Variants in RPP30 observed in about 807,000 individuals in gnomAD.
RPP30 encodes the protein ribonuclease P protein subunit p30.
In RPP30, 36 loss-of-function variants were observed where a neutral mutation model predicts 38.6. That is an observed-to-expected ratio of 0.93 (90% CI 0.71 to 1.23). The LOEUF is 1.23. RPP30 is among the 50% of genes most tolerant of loss of function. The probability of loss-of-function intolerance (pLI) is 0.00; values close to 1 mark genes in which losing one functional copy is unlikely to be tolerated. For missense variants in RPP30, 321 were observed against 321.7 expected (o/e 1.00, Z 0.02); for synonymous variants, 126 against 112.7 (o/e 1.12, Z -0.75).
chr10:90,903,803 A>T (rs1011279939), downstream of RPP30, among the ~76,000 whole-genome samples: 3 of 152,262 alleles, frequency 2.0e-5, no homozygotes, highest in African/African-American at 7.2e-5. Flanking sequence ...AAATAATTTT[A>T]AAAGATGACA....
chr10:90,883,726 C>T (rs980210360), intron 5 of RPP30, among the ~76,000 whole-genome samples: 1 of 152,134 alleles, frequency 6.6e-6, no homozygotes, highest in African/African-American at 2.4e-5. Flanking sequence ...TAGCTTTATT[C>T]TGGGGAGAAT....
chr10:90,899,752 AT>A (rs927728391), intron 10 of RPP30, among the ~76,000 whole-genome samples: 2 of 152,128 alleles, frequency 1.3e-5, no homozygotes, highest in Non-Finnish European at 2.9e-5. Flanking sequence ...ATAATACCTC[AT>A]TGCTTTAACC....
chr10:90,895,826 T>A (rs1847133161), intron 8 of RPP30, 54 bp from the exon 9 acceptor site: 1 of 1,298,678 alleles, frequency 7.7e-7, no homozygotes, highest in South Asian at 1.3e-5. Context: ...CTATAAGTCA[T>A]TGAAATGTTA....
At position 90,895,344 on chromosome 10, in the gene RPP30, G is replaced by A. The variant is rs1016760549; in HGVS notation, c.550-110G>A. 6.8e-5 allele frequency: 43 copies of A among 629,498 alleles called. No individual in the cohort carries two copies. The Admixed American group carries it at 8.6e-4, about 13-fold the overall frequency. The allele number at this position is 629,498 out of a possible 1,614,324, so 39.0% of individuals were successfully genotyped here. On this transcript the variant is annotated intron_variant, in intron 7 of 10. Transcript: ENST00000371703. Reference sequence around the variant, plus strand: ...ATTATTTACCTTATCTTTAAAAGAAGTTGGTATTTGAGCCTTAAATGTTAA... The same window carrying A: ...ATTATTTACCTTATCTTTAAAAGAAATTGGTATTTGAGCCTTAAATGTTAA...
intron 1 of RPP30, among the ~76,000 whole-genome samples, chr10:90,872,328 G>T (rs1385119194): frequency 6.6e-6 from 1 of 152,182 alleles, no homozygotes; most frequent in Non-Finnish European, 1.5e-5. Flanking sequence ...TTTGCATAGG[G>T]GCCTACAGCT....
intron 10 of RPP30, among the ~76,000 whole-genome samples, chr10:90,899,995 A>G (rs756915663): frequency 2.0e-5 from 3 of 152,200 alleles, no homozygotes; most frequent in Non-Finnish European, 4.4e-5. Flanking sequence ...TTCTTTGTTC[A>G]TTGTCACCAG....
Position 90,895,534 on chromosome 10 carries a change from T to C in RPP30, c.579+51T>C, listed in dbSNP as rs1360915019. On this transcript the variant is annotated intron_variant, in intron 8 of 10. Transcript: ENST00000371703. ...TTTCATCTTTCAGGTTATAAAACTT[T>C]TCAGTTTCTAGGGGATAAATTAAAA... 15 of 1,117,140 alleles carry C rather than the reference T, an allele frequency of 1.3e-5. 1 individual carries two copies. In the South Asian group the frequency reaches 1.4e-4, roughly 11 times the overall value. 69.2% of individuals were successfully genotyped at this position (1,117,140 alleles called of 1,614,324 possible).
In RPP30 at chr10:90,900,578, A is replaced by C. The variant is rs1052741920; in HGVS notation, c.706A>C (p.Lys236Gln). 13 of 1,610,720 alleles carry C rather than the reference A, an allele frequency of 8.1e-6. No homozygotes were observed. In the African/African-American group the frequency reaches 1.5e-4, roughly 18 times the overall value. ...CCCTGTTTGTTTTACAGAAACTAGA[A>C]AAACTGCTTTTGGAATTATCTCTAC... ...RAALLHGETRKTAFGIISTVK... is the reference protein window; with the variant it reads ...RAALLHGETRQTAFGIISTVK... The change falls in exon 11 of 11, where the codon AAA becomes CAA. Residue 236 changes from lysine to glutamine, a missense_variant. Lys to Gln is a moderately conservative substitution (Grantham distance 53, BLOSUM62 1). Coordinates refer to ENST00000371703, the MANE Select transcript of RPP30 (RefSeq NM_006413.5).
At chr10:90,877,398 G>A (rs1458197891) in intron 4 of RPP30, among the ~76,000 whole-genome samples, 1 of 152,102 alleles carries the variant, frequency 6.6e-6, no homozygotes, top group African/African-American at 2.4e-5. Flanking sequence ...GAAATCACGG[G>A]AATGGATGAG....
At chr10:90,892,426 A>G (rs917032227) in intron 6 of RPP30, among the ~76,000 whole-genome samples, 2 of 152,198 alleles carry the variant, frequency 1.3e-5, no homozygotes, top group Non-Finnish European at 2.9e-5. Flanking sequence ...AACTTGATTA[A>G]TGTACCAAGA....
At chr10:90,899,498 A>G (rs541241504) in intron 10 of RPP30, among the ~76,000 whole-genome samples, 2 of 152,264 alleles carry the variant, frequency 1.3e-5, no homozygotes, top group Admixed American at 6.5e-5. Context: ...CTCTTTCTCC[A>G]TAATCCCTTT....
intron 10 of RPP30, among the ~76,000 whole-genome samples, chr10:90,896,929 T>G (rs1231960364): frequency 3.3e-5 from 5 of 152,154 alleles, no homozygotes; most frequent in Non-Finnish European, 7.3e-5. Context: ...TTTTTTTCTT[T>G]TTCTAAATAG....
rs967666001 is a variant in RPP30, at chr10:90,872,024, C to G, written c.38C>G (p.Ser13Cys). ...GCAGATTTGGACCTGCGAGCGGGTT[C>G]TGACCTGAAGGCTCTGCGCGGACTT... The part of the protein sequence containing the change: ...VFADLDLRAG[S>C]DLKALRGLVE... Residue 13 changes from serine (S) to cysteine (C), a missense_variant, in exon 1 of 11, where the codon TCT (serine) becomes TGT (cysteine). By Grantham distance (112) the Ser-to-Cys change is moderately radical (BLOSUM62 -1). Coordinates refer to ENST00000371703, the MANE Select transcript of RPP30 (RefSeq NM_006413.5). 1 of 1,614,060 alleles carries G rather than the reference C, an allele frequency of 6.2e-7. No individual in the cohort carries two copies. The highest frequency in any genetic ancestry group is 8.5e-7 in the Non-Finnish European group (1 of 1,180,034).
chr10:90,882,442 G>A (rs945592616), intron 5 of RPP30, among the ~76,000 whole-genome samples: 8 of 152,176 alleles, frequency 5.3e-5, no homozygotes, highest in South Asian at 2.1e-4. Context: ...TTGGGAGGCC[G>A]AGGCAGGCAG....
At chr10:90,897,609 A>C (rs1445555783) in intron 10 of RPP30, among the ~76,000 whole-genome samples, 1 of 152,212 alleles carries the variant, frequency 6.6e-6, no homozygotes, top group African/African-American at 2.4e-5. Flanking sequence ...GATCTATTTT[A>C]AATAAACATT....
intron 4 of RPP30, among the ~76,000 whole-genome samples, chr10:90,878,622 G>T (rs967570000): frequency 1.3e-5 from 2 of 151,806 alleles, no homozygotes; most frequent in African/African-American, 4.8e-5. Context: ...CCCCTCAAGT[G>T]TCTGGGACAT....
intron 8 of RPP30, 68 bp from the exon 9 acceptor site, chr10:90,895,812 T>TCA (rs150762208): frequency 0.078 from 88,218 of 1,135,970 alleles, 3,990 homozygotes; most frequent in Non-Finnish European, 0.087. Flanking sequence ...TTTCTATTAA[T>TCA]TTGCTATAAG....
intron 1 of RPP30, 96 bp from the exon 2 acceptor site, chr10:90,874,772 GT>G: frequency 2.9e-6 from 2 of 700,652 alleles, no homozygotes; most frequent in Admixed American, 2.7e-5. Flanking sequence ...CTCCTCAAAT[GT>G]CCTCCTACTC....
chr10:90,886,963 T>C (rs1847008479), intron 6 of RPP30, among the ~76,000 whole-genome samples: 1 of 151,258 alleles, frequency 6.6e-6, no homozygotes, highest in South Asian at 2.1e-4. Flanking sequence ...CAAAAATTAT[T>C]AGTAGTAGTA....
Sources: allele counts gnomAD v4.1 joint callset (sites outside exome capture counted in the v4.1 genomes callset), GRCh38; gene constraint gnomAD v4.1.1; transcripts MANE v1.5; gene names NCBI Gene and HGNC (gene_info 2026-07-23, HGNC 2026-07-21).